Variants in NNT observed in about 807,000 individuals in gnomAD.
NNT encodes nicotinamide nucleotide transhydrogenase.
Under a neutral mutation model 104.8 loss-of-function variants are expected in NNT, and 50 were observed. That is an observed-to-expected ratio of 0.48 (90% CI 0.38 to 0.60). The LOEUF (loss-of-function observed/expected upper bound fraction) is 0.60. Among genes scored for constraint, NNT ranks in the 20% least tolerant of loss-of-function variants. NNT has a pLI of 0.00. For missense variants in NNT, 1,131 were observed against 1,330.7 expected, an observed-to-expected ratio of 0.85 and a Z score of 2.33; for synonymous variants, 461 against 490.4, an observed-to-expected ratio of 0.94 and a Z score of 0.79.
At chr5:43,641,424 G>T (rs934525287) in intron 7 of NNT, among the ~76,000 whole-genome samples, 1 of 151,922 alleles carries the variant, frequency 6.6e-6, no homozygotes, top group Non-Finnish European at 1.5e-5. Flanking sequence ...TATTAAAAAC[G>T]TTTAATTTTA....
intron 14 of NNT, among the ~76,000 whole-genome samples, chr5:43,654,694 A>G (rs1012253421): frequency 1.3e-5 from 2 of 152,184 alleles, no homozygotes; most frequent in Admixed American, 6.5e-5. Flanking sequence ...AAAGAGCACT[A>G]TTTCTTATTA....
At chr5:43,660,455 G>A (rs1416082152) in intron 17 of NNT, among the ~76,000 whole-genome samples, 1 of 152,018 alleles carries the variant, frequency 6.6e-6, no homozygotes, top group East Asian at 1.9e-4. Context: ...AATTATGGAT[G>A]TTATTTTCTA....
chr5:43,611,105 T>A (rs1579969931), intron 2 of NNT, among the ~76,000 whole-genome samples: 1 of 83,528 alleles, frequency 1.2e-5, no homozygotes, highest in South Asian at 4.5e-4. Context: ...CCTCCCTCCC[T>A]CCCTCCCTCT....
intron 21 of NNT, 24 bp from the exon 22 acceptor site, chr5:43,704,231 T>C (rs1334206963): frequency 6.5e-7 from 1 of 1,529,792 alleles, no homozygotes; most frequent in Non-Finnish European, 8.7e-7. Context: ...AAATACACTC[T>C]CTCATTTAAT....
At position 43,655,950 on chromosome 5, in the gene NNT, A is replaced by G; in HGVS notation, c.2170A>G (p.Ile724Val). The G allele has an allele frequency of 1.2e-6, 2 of 1,614,164 alleles. No individual in the cohort carries two copies. The highest frequency in any genetic ancestry group is 1.7e-6 in the Non-Finnish European group (2 of 1,180,016). The change falls in exon 15 of 22, where the codon ATA (isoleucine) becomes GTA (valine). Residue 724 changes from isoleucine to valine, a missense_variant. Transcript: ENST00000344920. ...AVLTCIAEYI[I>V]EYPHFATDAA... The stretch of plus-strand genomic sequence containing the variant: ...ACTTACTTGCATAGCTGAGTACATT[A>G]TAGAATATCCACATTTTGCTACGGA...
intron 7 of NNT, among the ~76,000 whole-genome samples, chr5:43,631,981 A>G (rs1750698824): frequency 6.6e-6 from 1 of 151,864 alleles, no homozygotes; most frequent in Admixed American, 6.6e-5. Context: ...AAAAAAAAAA[A>G]AAAAAAAGGG....
At chr5:43,665,340 T>G (rs1740583697) in intron 17 of NNT, among the ~76,000 whole-genome samples, 1 of 152,002 alleles carries the variant, frequency 6.6e-6, no homozygotes, top group African/African-American at 2.4e-5. Flanking sequence ...GATAAACATG[T>G]GAACAAAGGT....
chr5:43,659,967 A>T (rs563850264), intron 17 of NNT, among the ~76,000 whole-genome samples: 1 of 152,274 alleles, frequency 6.6e-6, no homozygotes, highest in East Asian at 1.9e-4. Flanking sequence ...ATCGTGTTGT[A>T]TATTGTCCTA....
Position 43,604,459 on chromosome 5 carries a change from G to T in NNT, c.-54+1165G>T, listed in dbSNP as rs139876254. Among the ~76,000 whole-genome samples, 18 of 152,250 alleles carry T rather than the reference G, an allele frequency of 1.2e-4. No homozygotes were observed. In the East Asian group the frequency reaches 3.5e-3, roughly 29 times the overall value. ...GGTGATAGAATCAGTTTTCCACAAG[G>T]CTACACAAACATTTCCTTTTCAAAG... On this transcript the variant is annotated intron_variant, in intron 1 of 21. Transcript: ENST00000344920.
intron 7 of NNT, among the ~76,000 whole-genome samples, chr5:43,637,603 C>T (rs954287776): frequency 2.0e-5 from 3 of 152,124 alleles, no homozygotes; most frequent in Non-Finnish European, 4.4e-5. Flanking sequence ...TTCATGCTTT[C>T]CTCTCTGAGT....
chr5:43,634,578 C>T (rs1407629093), intron 7 of NNT, among the ~76,000 whole-genome samples: 1 of 152,104 alleles, frequency 6.6e-6, no homozygotes, highest in Non-Finnish European at 1.5e-5. Context: ...GTAATTCCTT[C>T]CCTTCAATGT....
intron 19 of NNT, among the ~76,000 whole-genome samples, chr5:43,698,762 T>C (rs1472620465): frequency 6.6e-6 from 1 of 151,986 alleles, no homozygotes; most frequent in Non-Finnish European, 1.5e-5. Context: ...TTATGGATGA[T>C]AAGTGAGGAC....
intron 7 of NNT, among the ~76,000 whole-genome samples, chr5:43,637,413 G>A (rs1015018147): frequency 7.9e-5 from 12 of 152,160 alleles, no homozygotes; most frequent in Non-Finnish European, 1.8e-4. Context: ...AACCCCATCA[G>A]TGATTTTGAA....
chr5:43,612,818 C>T, intron 2 of NNT, 90 bp from the exon 3 acceptor site: 1 of 861,620 alleles, frequency 1.2e-6, no homozygotes, highest in East Asian at 2.5e-5. Context: ...GAAAAGATTG[C>T]TCCTTTCAAT....
intron 19 of NNT, among the ~76,000 whole-genome samples, chr5:43,692,496 G>A (rs71629192): frequency 1.3e-5 from 2 of 151,974 alleles, no homozygotes; most frequent in South Asian, 4.1e-4. Flanking sequence ...GCTAATTTTT[G>A]TATTTTTAGT....
At chr5:43,650,371 G>T in intron 11 of NNT, 106 bp from the exon 12 acceptor site, 2 of 722,364 alleles carry the variant, frequency 2.8e-6, no homozygotes, top group Non-Finnish European at 4.6e-6. Flanking sequence ...TTTTAATATT[G>T]AGAACTTTAC....
chr5:43,660,265 C>T (rs1458922456), intron 17 of NNT, among the ~76,000 whole-genome samples: 2 of 152,290 alleles, frequency 1.3e-5, no homozygotes, highest in Non-Finnish European at 2.9e-5. Context: ...TGTTGGTCAT[C>T]TGTGAGAGTT....
At chr5:43,684,568 A>C (rs1489779681) in intron 19 of NNT, among the ~76,000 whole-genome samples, 4 of 150,694 alleles carry the variant, frequency 2.7e-5, no homozygotes, top group Non-Finnish European at 5.9e-5. Flanking sequence ...TTTTTTTTTC[A>C]CTTCCTTACC....
At chr5:43,682,491 G>A (rs538661957) in intron 19 of NNT, among the ~76,000 whole-genome samples, 8 of 152,122 alleles carry the variant, frequency 5.3e-5, no homozygotes, top group South Asian at 4.1e-4. Flanking sequence ...GATTACAGGC[G>A]TGAGCCACCA....
Sources: gnomAD v4.1 joint callset for allele counts (sites outside exome capture counted in the v4.1 genomes callset) on GRCh38, gnomAD v4.1.1 for gene constraint, MANE v1.5 for transcripts, NCBI Gene and HGNC (gene_info 2026-07-23, HGNC 2026-07-21) for gene names.